The following JMJD1C variants were observed in gnomAD, a reference collection of about 807,000 sequenced individuals.
JMJD1C encodes the protein jumonji domain containing 1C.
In JMJD1C, 31 loss-of-function variants were observed where a neutral mutation model predicts 245.3. The observed-to-expected ratio is 0.13, with a 90% CI of 0.09 to 0.17. The LOEUF is 0.17. Among genes scored for constraint, JMJD1C ranks in the 10% least tolerant of loss-of-function variants. JMJD1C has a pLI of 1.00. For missense variants in JMJD1C, 2,691 were observed against 3,000.2 expected, an observed-to-expected ratio of 0.90 and a Z score of 2.41; for synonymous variants, 1,057 against 1,017.4, an observed-to-expected ratio of 1.04 and a Z score of -0.74.
At chr10:63,494,441 T>A (rs1954287044) in intron 1 of JMJD1C, among the ~76,000 whole-genome samples, 1 of 152,174 alleles carries the variant, frequency 6.6e-6, no homozygotes, top group Non-Finnish European at 1.5e-5. Flanking sequence ...ATATTGTGTA[T>A]ATTAGAAAGC....
intron 1 of JMJD1C, among the ~76,000 whole-genome samples, chr10:63,493,004 T>C (rs1048197159): frequency 3.3e-5 from 5 of 152,134 alleles, no homozygotes; most frequent in Non-Finnish European, 7.4e-5. Context: ...AGTGTTAGCT[T>C]AAGGGGGAGA....
At chr10:63,391,508 T>A (rs1218071630) in intron 1 of JMJD1C, among the ~76,000 whole-genome samples, 1 of 149,288 alleles carries the variant, frequency 6.7e-6, no homozygotes, top group African/African-American at 2.5e-5. Context: ...AGACTCCGTC[T>A]CAACAACAAC....
intron 2 of JMJD1C, among the ~76,000 whole-genome samples, chr10:63,328,037 G>T (rs1019313206): frequency 6.6e-6 from 1 of 152,204 alleles, no homozygotes; most frequent in African/African-American, 2.4e-5. Context: ...CACTTTGGGA[G>T]GCCAAGCCAG....
chr10:63,291,420 T>C (rs1858694959), intron 2 of JMJD1C, among the ~76,000 whole-genome samples: 1 of 146,636 alleles, frequency 6.8e-6, no homozygotes, highest in Admixed American at 6.9e-5. Context: ...ATCAAGACCA[T>C]CCTGGCCAAC....
chr10:63,257,602 A>G (rs944992856), intron 3 of JMJD1C, among the ~76,000 whole-genome samples: 1 of 152,224 alleles, frequency 6.6e-6, no homozygotes, highest in Non-Finnish European at 1.5e-5. Flanking sequence ...GAGCCAAACA[A>G]AGAAAAATAA....
chr10:63,490,996 T>C (rs1954156976), intron 1 of JMJD1C, among the ~76,000 whole-genome samples: 1 of 152,210 alleles, frequency 6.6e-6, no homozygotes, highest in South Asian at 2.1e-4. Flanking sequence ...GCAACAACTC[T>C]ATGTGCTAAG....
chr10:63,195,830 T>C (rs1016360941), intron 13 of JMJD1C, among the ~76,000 whole-genome samples: 6 of 151,754 alleles, frequency 4.0e-5, no homozygotes, highest in African/African-American at 1.5e-4. Flanking sequence ...TCGGAGAGAC[T>C]AGGCAGGAGA....
At chr10:63,364,170 G>A (rs1409823955) in intron 2 of JMJD1C, among the ~76,000 whole-genome samples, 1 of 151,940 alleles carries the variant, frequency 6.6e-6, no homozygotes, top group East Asian at 1.9e-4. Flanking sequence ...CAGACTGTCT[G>A]GTTAATTTTT....
chr10:63,299,285 G>A (rs1859806929), intron 2 of JMJD1C, among the ~76,000 whole-genome samples: 2 of 151,696 alleles, frequency 1.3e-5, no homozygotes, highest in Non-Finnish European at 1.5e-5. Context: ...GGGTTCAAGC[G>A]ATTCTCGCCC....
chr10:63,306,235 G>A (rs111928730), intron 2 of JMJD1C, among the ~76,000 whole-genome samples: 7,060 of 152,060 alleles, frequency 0.046, 216 homozygotes, highest in Non-Finnish European at 0.068. Context: ...GACTACAGGC[G>A]CCTGCTACCA....
intron 2 of JMJD1C, among the ~76,000 whole-genome samples, chr10:63,357,826 G>GACAGACACACACAC (rs1051732036): frequency 6.4e-5 from 9 of 140,536 alleles, no homozygotes; most frequent in Admixed American, 5.8e-4. Context: ...CAGACAGACA[G>GACAGACACACACAC]ACACACACAC....
In JMJD1C at chr10:63,379,677, T is replaced by C. The variant is rs186512212; in HGVS notation, c.333+641A>G. 1.6e-3 allele frequency among the ~76,000 whole-genome samples: 241 copies of C among 152,322 alleles called. 1 individual carries two copies. The highest frequency in any genetic ancestry group is 6.9e-3 in the Admixed American group (105 of 15,304). On this transcript the variant is annotated intron_variant, in intron 2 of 25. Coordinates refer to ENST00000399262, the MANE Select transcript of JMJD1C (RefSeq NM_032776.3). ...CTTAACAAAGTTTCATTCAGCAAAGTTGTTCCACGTGGCATACAGTCAACT... is the reference window on the plus strand; with the variant it reads ...CTTAACAAAGTTTCATTCAGCAAAGCTGTTCCACGTGGCATACAGTCAACT...
intron 2 of JMJD1C, among the ~76,000 whole-genome samples, chr10:63,375,760 G>T (rs1354437538): frequency 1.8e-4 from 28 of 151,768 alleles, no homozygotes. Context: ...TCGCTGCATT[G>T]TTCAGCCTGG....
At chr10:63,482,665 G>A (rs1953866541) in intron 1 of JMJD1C, among the ~76,000 whole-genome samples, 1 of 151,884 alleles carries the variant, frequency 6.6e-6, no homozygotes, top group Admixed American at 6.6e-5. Flanking sequence ...GAGAGAGAGA[G>A]ACCCCAAACT....
intron 8 of JMJD1C, 92 bp from the exon 9 acceptor site, chr10:63,209,327 G>T: frequency 9.7e-7 from 1 of 1,031,268 alleles, no homozygotes. Context: ...TATGATCTTG[G>T]TGGTTTATTA....
chr10:63,334,954 C>T (rs1279154937), intron 2 of JMJD1C, among the ~76,000 whole-genome samples: 3 of 151,066 alleles, frequency 2.0e-5, no homozygotes, highest in South Asian at 2.1e-4. Context: ...GTGATCCTCC[C>T]GCCTCTGCCT....
At chr10:63,396,006 G>A (rs961251003) in intron 1 of JMJD1C, among the ~76,000 whole-genome samples, 1 of 151,984 alleles carries the variant, frequency 6.6e-6, no homozygotes, top group East Asian at 1.9e-4. Flanking sequence ...TGTCTTAATC[G>A]TCGAAATGGT....
At chr10:63,442,495 T>C (rs753631184) in intron 1 of JMJD1C, among the ~76,000 whole-genome samples, 3 of 152,362 alleles carry the variant, frequency 2.0e-5, no homozygotes, top group Middle Eastern at 6.8e-3. Flanking sequence ...CTGTAACTTC[T>C]AGCAATGCAG....
chr10:63,401,250 C>T (rs557255600), intron 1 of JMJD1C, among the ~76,000 whole-genome samples: 2 of 152,258 alleles, frequency 1.3e-5, no homozygotes, highest in South Asian at 4.1e-4. Flanking sequence ...ACATTTCTCT[C>T]TAATTCCAGT....
Sources: allele counts gnomAD v4.1 joint callset (sites outside exome capture counted in the v4.1 genomes callset), GRCh38; gene constraint gnomAD v4.1.1; transcripts MANE v1.5; gene names NCBI Gene and HGNC (gene_info 2026-07-23, HGNC 2026-07-21).